PRKN: variants seen among roughly 807,000 people sequenced by gnomAD.
The protein encoded by PRKN is E3 ubiquitin-protein ligase parkin.
In PRKN, 56 loss-of-function variants were observed where a neutral mutation model predicts 59.5. The observed-to-expected ratio is 0.94, with a 90% CI of 0.76 to 1.18. PRKN has a LOEUF of 1.18. Among genes scored for constraint, PRKN ranks in the 50% most tolerant of loss-of-function variants. The pLI is 0.00. For synonymous variants in PRKN, 250 were observed against 222.1 expected, an observed-to-expected ratio of 1.13 and a Z score of -1.12; for missense variants, 657 against 596.4, an observed-to-expected ratio of 1.10 and a Z score of -1.06.
intron 1 of PRKN, among the ~76,000 whole-genome samples, chr6:162,520,872 A>G (rs1235025792): frequency 1.3e-5 from 2 of 152,206 alleles, no homozygotes; most frequent in African/African-American, 2.4e-5. Context: ...TTTTTAAAAC[A>G]GCTCAAATAG....
chr6:162,580,146 A>G (rs994291172), intron 1 of PRKN, among the ~76,000 whole-genome samples: 1 of 152,206 alleles, frequency 6.6e-6, no homozygotes, highest in Non-Finnish European at 1.5e-5. Flanking sequence ...GTGCTTTGAA[A>G]GTAACATTGG....
intron 6 of PRKN, among the ~76,000 whole-genome samples, chr6:161,816,728 A>C (rs199985900): frequency 1.8e-4 from 6 of 33,446 alleles, no homozygotes; most frequent in African/African-American, 5.5e-4. Context: ...ACTCCATCTC[A>C]AAAAAAAAAA....
intron 7 of PRKN, among the ~76,000 whole-genome samples, chr6:161,637,760 G>A (rs1043098239): frequency 2.6e-5 from 4 of 151,562 alleles, no homozygotes; most frequent in African/African-American, 9.7e-5. Flanking sequence ...TAAGTTCTTT[G>A]GATTGGCCCC....
At chr6:161,948,133 G>A (rs1790017) in intron 6 of PRKN, among the ~76,000 whole-genome samples, 36,888 of 151,908 alleles carry the variant, frequency 0.24, 5,143 homozygotes, top group East Asian at 0.31. Context: ...TTACAGGCAC[G>A]TGCCATCATG....
At chr6:162,064,732 GTA>G (rs1309131578) in intron 4 of PRKN, among the ~76,000 whole-genome samples, 1 of 152,196 alleles carries the variant, frequency 6.6e-6, no homozygotes, top group Non-Finnish European at 1.5e-5. Context: ...TGAAAAATCT[GTA>G]TTTTCAAAGT....
At chr6:161,654,525 C>T (rs767059553) in intron 7 of PRKN, among the ~76,000 whole-genome samples, 87 of 152,298 alleles carry the variant, frequency 5.7e-4, no homozygotes, top group Middle Eastern at 3.4e-3. Flanking sequence ...GACCCAGATC[C>T]CTTTCTTGGT....
chr6:161,453,309 ATGTG>A lies in PRKN; in HGVS notation c.1084-66436_1084-66433del, dbSNP rs372619897. On this transcript the variant is annotated intron_variant, in intron 9 of 11. Coordinates refer to ENST00000366898, the MANE Select transcript of PRKN (RefSeq NM_004562.3). ...TCATCATGCTATAGAAACTCCCACA[ATGTG>A]TGTGTGTGCATGTGTTATTAAATCC... Among the ~76,000 whole-genome samples, 479 of 152,038 alleles carry A rather than the reference ATGTG, an allele frequency of 3.2e-3. 3 individuals carry two copies. Among genetic ancestry groups the A allele is most frequent in the Middle Eastern group, 0.02 (6 of 294 alleles).
chr6:161,430,673 G>A lies in PRKN; in HGVS notation c.1084-43796C>T, dbSNP rs573593719. On this transcript the variant is annotated intron_variant, in intron 9 of 11. Coordinates refer to ENST00000366898, the MANE Select transcript of PRKN (RefSeq NM_004562.3). Reference sequence around the variant, plus strand: ...TACTAAAAATACAAAAAATTAGCCCGGCATAGTGGCGGGCGCCTGTAGTCC... The same window carrying A: ...TACTAAAAATACAAAAAATTAGCCCAGCATAGTGGCGGGCGCCTGTAGTCC... 4.0e-5 allele frequency among the ~76,000 whole-genome samples: 6 copies of A among 151,808 alleles called. No homozygotes were observed. The East Asian group carries it at 9.7e-4, about 25-fold the overall frequency.
Position 161,445,111 on chromosome 6 carries a change from A to G in PRKN, c.1084-58234T>C, listed in dbSNP as rs1789423810. On this transcript the variant is annotated intron_variant, in intron 9 of 11. Coordinates refer to ENST00000366898, the MANE Select transcript of PRKN (RefSeq NM_004562.3). The surrounding 1 kb of genome is among the most constrained non-coding windows in gnomAD (Gnocchi z 7.7). ...GGGCTGGCACATCTGCCTAAAACCC[A>G]TAATTCTTGAACTTGACGTGCTCAG... Among the ~76,000 whole-genome samples the G allele has an allele frequency of 1.3e-5, 2 of 152,128 alleles. No individual in the cohort carries two copies. The highest frequency in any genetic ancestry group is 2.9e-5 in the Non-Finnish European group (2 of 68,032).
chr6:161,866,738 C>T (rs78513750), intron 6 of PRKN, among the ~76,000 whole-genome samples: 2,831 of 152,206 alleles, frequency 0.019, 47 homozygotes, highest in Non-Finnish European at 0.029. Context: ...ATACGATAGA[C>T]GGCAATAAAA....
chr6:161,532,158 CTCTCTCTCTATATA>C (rs1431949126), intron 9 of PRKN, among the ~76,000 whole-genome samples: 2 of 57,950 alleles, frequency 3.5e-5, no homozygotes, highest in Non-Finnish European at 6.5e-5. Context: ...CTCTCTCTCT[CTCTCTCTCTATATA>C]TATATATATA....
chr6:162,207,701 C>T (rs1785009919), intron 3 of PRKN, among the ~76,000 whole-genome samples: 1 of 152,172 alleles, frequency 6.6e-6, no homozygotes, highest in Non-Finnish European at 1.5e-5. Flanking sequence ...CACTGGCCCT[C>T]AATGCGCTCA....
At chr6:161,817,991 A>T (rs1451646809) in intron 6 of PRKN, among the ~76,000 whole-genome samples, 2 of 152,232 alleles carry the variant, frequency 1.3e-5, no homozygotes, top group Non-Finnish European at 2.9e-5. Flanking sequence ...CTACTGGCGT[A>T]GGAGCCATGG....
At chr6:161,403,929 A>C (rs1787156405) in intron 9 of PRKN, among the ~76,000 whole-genome samples, 2 of 152,144 alleles carry the variant, frequency 1.3e-5, no homozygotes, top group South Asian at 4.1e-4. Context: ...AGATGCCAGC[A>C]TCATGCTCTT....
chr6:162,553,180 A>ATC, intron 1 of PRKN, among the ~76,000 whole-genome samples: 1 of 152,230 alleles, frequency 6.6e-6, no homozygotes, highest in South Asian at 2.1e-4. Context: ...GAGAGAGGGG[A>ATC]CCAGCCAAAG....
chr6:162,600,237 A>G (rs1265043487), intron 1 of PRKN, among the ~76,000 whole-genome samples: 1 of 152,080 alleles, frequency 6.6e-6, no homozygotes, highest in African/African-American at 2.4e-5. Flanking sequence ...CACGTGGTAT[A>G]CTCGTGTTCA....
chr6:162,082,124 T>G (rs1202995512), intron 4 of PRKN, among the ~76,000 whole-genome samples: 1 of 152,204 alleles, frequency 6.6e-6, no homozygotes, highest in East Asian at 1.9e-4. Context: ...CCAAGTGTTG[T>G]GGGAGGAACC....
intron 4 of PRKN, among the ~76,000 whole-genome samples, chr6:162,149,256 T>C (rs944780847): frequency 1.3e-5 from 2 of 152,080 alleles, no homozygotes; most frequent in African/African-American, 4.8e-5. Context: ...TTCTTCATAA[T>C]TTTTTTAAGA....
intron 9 of PRKN, among the ~76,000 whole-genome samples, chr6:161,418,368 T>G (rs776999636): frequency 2.0e-5 from 3 of 152,190 alleles, no homozygotes; most frequent in Admixed American, 2.0e-4. Context: ...CCCAGCATTT[T>G]TAGAGAAGAA....
Sources: gnomAD v4.1 joint callset for allele counts (sites outside exome capture counted in the v4.1 genomes callset) on GRCh38, gnomAD v4.1.1 for gene constraint, Gnocchi (gnomAD v3.1) non-coding constraint, MANE v1.5 for transcripts, NCBI Gene and HGNC (gene_info 2026-07-23, HGNC 2026-07-21) for gene names.